RNF130: variants seen among roughly 807,000 people sequenced by gnomAD.
RNF130 encodes E3 ubiquitin-protein ligase RNF130.
RNF130 carries 21 observed loss-of-function variants against 44.6 expected under a neutral mutation model. That is an observed-to-expected ratio of 0.47 (90% CI 0.33 to 0.68). The LOEUF is 0.68. Among genes scored for constraint, RNF130 ranks in the 30% least tolerant of loss-of-function variants. RNF130 has a pLI of 0.02. For missense variants in RNF130, 479 were observed against 560.6 expected (o/e 0.85, Z 1.47); for synonymous variants, 214 against 210.4 (o/e 1.02, Z -0.15).
intron 3 of RNF130, among the ~76,000 whole-genome samples, chr5:180,001,457 G>A (rs1009735023): frequency 6.6e-6 from 1 of 152,148 alleles, no homozygotes; most frequent in Non-Finnish European, 1.5e-5. Context: ...GTGACTGTCA[G>A]GTACCCACTG....
intron 2 of RNF130, among the ~76,000 whole-genome samples, chr5:180,033,349 A>G (rs1764175863): frequency 6.6e-6 from 1 of 152,136 alleles, no homozygotes; most frequent in Non-Finnish European, 1.5e-5. Flanking sequence ...TTTCTTTTTA[A>G]CAAGTTTTTG....
intron 3 of RNF130, among the ~76,000 whole-genome samples, chr5:180,007,999 T>TC (rs1763501936): frequency 6.6e-6 from 1 of 150,902 alleles, no homozygotes; most frequent in African/African-American, 2.4e-5. Context: ...TTTTTTTTTT[T>TC]TTTTTTTTTA....
chr5:180,044,836 A>AATTT (rs1764519872), intron 1 of RNF130, among the ~76,000 whole-genome samples: 1 of 152,000 alleles, frequency 6.6e-6, no homozygotes, highest in South Asian at 2.1e-4. Flanking sequence ...CGTCTCAAAA[A>AATTT]AAAAAAATAA....
At chr5:179,969,746 T>C (rs1180269395) in intron 6 of RNF130, among the ~76,000 whole-genome samples, 3 of 151,940 alleles carry the variant, frequency 2.0e-5, no homozygotes, top group East Asian at 1.9e-4. Context: ...CCCCAGCACT[T>C]TGGGAGGCAG....
chr5:179,918,237 G>T (rs1232326967), exon 8 of RNF130: 1 of 152,174 alleles, frequency 6.6e-6, no homozygotes, highest in Admixed American at 6.6e-5. Context: ...TACCGTGAAT[G>T]TGTGCCCCAG....
chr5:179,960,636 A>G (rs943335373), intron 8 of RNF130, among the ~76,000 whole-genome samples: 2 of 152,226 alleles, frequency 1.3e-5, no homozygotes, highest in East Asian at 1.9e-4. Flanking sequence ...AGACAGGGTC[A>G]AGGACTTGCT....
intron 5 of RNF130, among the ~76,000 whole-genome samples, 193 bp from the exon 6 acceptor site, chr5:179,970,699 TACA>T (rs556118510): frequency 6.7e-4 from 102 of 152,354 alleles, no homozygotes; most frequent in African/African-American, 2.4e-3. Flanking sequence ...ACCTCATATG[TACA>T]ACACCGTGTA....
At chr5:179,928,842 G>T (rs1648361201) in intron 7 of RNF130, among the ~76,000 whole-genome samples, 1 of 151,974 alleles carries the variant, frequency 6.6e-6, no homozygotes, top group African/African-American at 2.4e-5. Flanking sequence ...TGTTAGCCAG[G>T]ATGGTCTCAA....
intron 3 of RNF130, among the ~76,000 whole-genome samples, chr5:180,002,734 A>C (rs1763371824): frequency 6.6e-6 from 1 of 152,064 alleles, no homozygotes; most frequent in South Asian, 2.1e-4. Context: ...TTTCCTTCCC[A>C]TCTCTATGTG....
At chr5:180,006,946 A>G (rs1159715613) in intron 3 of RNF130, among the ~76,000 whole-genome samples, 1 of 152,228 alleles carries the variant, frequency 6.6e-6, no homozygotes, top group African/African-American at 2.4e-5. Flanking sequence ...GGAAGAGCAA[A>G]CCACAGACAC....
At chr5:180,039,445 C>A (rs1180187049) in intron 2 of RNF130, among the ~76,000 whole-genome samples, 1 of 152,030 alleles carries the variant, frequency 6.6e-6, no homozygotes, top group Non-Finnish European at 1.5e-5. Flanking sequence ...AGCATGTCGG[C>A]CAGGGTGGTT....
chr5:180,031,418 C>T (rs772771168), intron 2 of RNF130, among the ~76,000 whole-genome samples: 12 of 152,048 alleles, frequency 7.9e-5, no homozygotes, highest in South Asian at 2.1e-4. Context: ...ACCCAGGAGG[C>T]GGAGGTTGCA....
rs1188268016 is a variant in RNF130 at position 179,977,310 on chromosome 5, C to T, written c.848+893G>A. On this transcript the variant is annotated intron_variant, in intron 5 of 8. Coordinates refer to ENST00000521389, the MANE Select transcript of RNF130 (RefSeq NM_018434.6). The surrounding 1 kb of genome is among the most constrained non-coding windows in gnomAD (Gnocchi z 4.1). ...ATCCAGGTTTAGAAAAAGATTTAATCCAAGTCCCTGGAGTTGTTGTACCCA... is the reference window on the plus strand; with the variant it reads ...ATCCAGGTTTAGAAAAAGATTTAATTCAAGTCCCTGGAGTTGTTGTACCCA... 4 of 152,240 alleles carry T rather than the reference C, an allele frequency of 2.6e-5. No individual in the cohort carries two copies. The highest frequency in any genetic ancestry group is 5.9e-5 in the Non-Finnish European group (4 of 68,082). 9.4% of individuals were successfully genotyped at this position (152,240 alleles called of 1,614,324 possible). A position where few individuals can be genotyped will look rare whatever the true frequency, so the allele number is the denominator to read the frequency against.
chr5:179,937,073 A>G (rs1281177827), intron 7 of RNF130, among the ~76,000 whole-genome samples: 3 of 152,274 alleles, frequency 2.0e-5, no homozygotes, highest in Non-Finnish European at 4.4e-5. Context: ...TAAGCAACCA[A>G]TGAAAAAACA....
intron 1 of RNF130, among the ~76,000 whole-genome samples, chr5:180,069,472 G>C (rs546452495): frequency 6.6e-6 from 1 of 151,922 alleles, no homozygotes; most frequent in African/African-American, 2.4e-5. Context: ...ATGACCCCTA[G>C]GGAATCAAGG....
At chr5:179,997,555 CCT>C (rs1157329363) in intron 3 of RNF130, among the ~76,000 whole-genome samples, 4 of 152,032 alleles carry the variant, frequency 2.6e-5, no homozygotes, top group Non-Finnish European at 5.9e-5. Context: ...GTCTTGATCT[CCT>C]GACCTCGTGA....
intron 1 of RNF130, among the ~76,000 whole-genome samples, chr5:180,070,679 G>A (rs1334473659): frequency 6.6e-6 from 1 of 152,124 alleles, no homozygotes; most frequent in Non-Finnish European, 1.5e-5. Flanking sequence ...TGTGCAAAAG[G>A]TTTCTTTCAA....
At chr5:179,965,313 C>T (rs248216) in intron 7 of RNF130, among the ~76,000 whole-genome samples, 107,741 of 152,142 alleles carry the variant, frequency 0.71, 39,761 homozygotes, top group African/African-American at 0.92. Context: ...GCGGGAGGCA[C>T]TGTGGTTGCT....
At chr5:179,933,356 A>ATTTAT (rs1259058654) in intron 7 of RNF130, among the ~76,000 whole-genome samples, 1 of 145,984 alleles carries the variant, frequency 6.9e-6, no homozygotes, top group African/African-American at 2.5e-5. Flanking sequence ...AAAATCATCA[A>ATTTAT]TTTATTTTCA....
Sources: gnomAD v4.1 joint callset for allele counts (sites outside exome capture counted in the v4.1 genomes callset) on GRCh38, gnomAD v4.1.1 for gene constraint, Gnocchi (gnomAD v3.1) non-coding constraint, MANE v1.5 for transcripts, NCBI Gene and HGNC (gene_info 2026-07-23, HGNC 2026-07-21) for gene names.